Variants in SRBD1 observed in about 807,000 individuals in gnomAD.
The protein encoded by SRBD1 is S1 RNA-binding domain-containing protein 1.
In SRBD1, 88 loss-of-function variants were observed where a neutral mutation model predicts 115.3. That is an observed-to-expected ratio of 0.76 (90% CI 0.64 to 0.91). The LOEUF (loss-of-function observed/expected upper bound fraction) is 0.91, where lower values mean the gene tolerates loss of function less well. Among genes scored for constraint, SRBD1 ranks in the 40% least tolerant of loss-of-function variants. The pLI is 0.00. For missense variants in SRBD1, 1,385 were observed against 1,177.4 expected (o/e 1.18, Z -2.58); for synonymous variants, 509 against 407.7 (o/e 1.25, Z -2.99).
intron 16 of SRBD1, among the ~76,000 whole-genome samples, chr2:45,471,651 A>C (rs1465473947): frequency 1.3e-5 from 2 of 152,160 alleles, no homozygotes; most frequent in Non-Finnish European, 2.9e-5. Context: ...ACCTCACTGT[A>C]TCCTTCTGAC....
chr2:45,424,913 C>T (rs143322505), intron 16 of SRBD1, among the ~76,000 whole-genome samples: 253 of 152,218 alleles, frequency 1.7e-3, no homozygotes, highest in African/African-American at 5.9e-3. Flanking sequence ...TCTTTTGATT[C>T]AAGTATGACT....
In SRBD1 at chr2:45,579,920, G is replaced by A. The variant is rs138516107; in HGVS notation, c.1027C>T (p.Pro343Ser). 6.2e-7 allele frequency: 1 copy of A among 1,609,938 alleles called. No homozygotes were observed. Among genetic ancestry groups the A allele is most frequent in the African/African-American group, 1.3e-5 (1 of 74,748 alleles). Reference sequence around the variant, plus strand: ...TACGATAGCAGACTGAGCTCCCCTGGTTTCTCAAGCAGTGCCCTGGCTGCT... The same window carrying A: ...TACGATAGCAGACTGAGCTCCCCTGATTTCTCAAGCAGTGCCCTGGCTGCT... ...EGAARALLEKPGELSLLSYIR... is the reference protein window; with the variant it reads ...EGAARALLEKSGELSLLSYIR... The change falls in exon 7 of 21, where the codon CCA (proline) becomes TCA (serine). Residue 343 changes from proline to serine, a missense_variant. Transcript: ENST00000263736.
In SRBD1 at chr2:45,388,873, A is replaced by G. The variant is rs879305581; in HGVS notation, c.*437T>C. 6.5e-6 allele frequency: 1 copy of G among 154,368 alleles called. No individual in the cohort carries two copies. The highest frequency in any genetic ancestry group is 1.4e-5 in the Non-Finnish European group (1 of 69,546). The allele number at this position is 154,368 out of a possible 1,614,324, so 9.6% of individuals were successfully genotyped here. A position where few individuals can be genotyped will look rare whatever the true frequency, so the allele number is the denominator to read the frequency against. ...AAAAGGCCTGATTAAAAAAAAATCT[A>G]TAAAATGGAAGGATTAAACACTGCC... On this transcript the variant is annotated 3_prime_UTR_variant, in exon 21 of 21. Coordinates refer to ENST00000263736, the MANE Select transcript of SRBD1 (RefSeq NM_018079.5).
intron 4 of SRBD1, among the ~76,000 whole-genome samples, chr2:45,593,955 TAC>T (rs1451694714): frequency 2.0e-5 from 3 of 152,182 alleles, no homozygotes; most frequent in Non-Finnish European, 2.9e-5. Flanking sequence ...GTTGCATGGT[TAC>T]ACTTTTGAAC....
intron 15 of SRBD1, among the ~76,000 whole-genome samples, chr2:45,478,653 T>C (rs1290380250): frequency 6.6e-6 from 1 of 152,216 alleles, no homozygotes; most frequent in East Asian, 1.9e-4. Context: ...AGATTTAAAG[T>C]AGAGATATAC....
At chr2:45,539,340 T>C (rs1260159549) in intron 14 of SRBD1, among the ~76,000 whole-genome samples, 1 of 152,114 alleles carries the variant, frequency 6.6e-6, no homozygotes, top group Non-Finnish European at 1.5e-5. Context: ...TCAAGTTTCA[T>C]GGCCTCACAG....
In SRBD1 at chr2:45,599,445, A is replaced by T; in HGVS notation, c.648+4T>A. 6.2e-7 allele frequency: 1 copy of T among 1,610,480 alleles called. No individual in the cohort carries two copies. The highest frequency in any genetic ancestry group is 1.7e-5 in the Admixed American group (1 of 59,834). Reference sequence around the variant, plus strand: ...CTAAAGTGACAGAAAAAGGCTGCACATACCTGTACCATGTCCCAATTCATT... The same window carrying T: ...CTAAAGTGACAGAAAAAGGCTGCACTTACCTGTACCATGTCCCAATTCATT... On this transcript the variant is annotated splice_donor_region_variant and intron_variant, in intron 4 of 20. Transcript: ENST00000263736.
intron 16 of SRBD1, among the ~76,000 whole-genome samples, chr2:45,441,715 T>C (rs1023152886): frequency 2.0e-5 from 3 of 152,214 alleles, no homozygotes; most frequent in African/African-American, 7.2e-5. Context: ...AGAATTGCCC[T>C]AAAATAGGAG....
chr2:45,585,497 T>C lies in SRBD1; in HGVS notation c.815+111A>G, dbSNP rs1371131679. ...GAGGACTATATCCAGATTACAATAATTCAAGGAAACAAAATGTTGAAATTG... is the reference window on the plus strand; with the variant it reads ...GAGGACTATATCCAGATTACAATAACTCAAGGAAACAAAATGTTGAAATTG... On this transcript the variant is annotated intron_variant, in intron 5 of 20. Transcript: ENST00000263736. 24 of 1,208,740 alleles carry C rather than the reference T, an allele frequency of 2.0e-5. No individual in the cohort carries two copies. In the East Asian group the frequency reaches 5.1e-4, roughly 26 times the overall value. The allele number at this position is 1,208,740 out of a possible 1,614,324, so 74.9% of individuals were successfully genotyped here.
intron 15 of SRBD1, 46 bp from the exon 16 acceptor site, chr2:45,477,121 C>G (rs1339211018): frequency 1.3e-6 from 2 of 1,486,536 alleles, no homozygotes; most frequent in Non-Finnish European, 9.4e-7. Context: ...ATGTGAAAAG[C>G]AGTACCTAAT....
chr2:45,429,894 A>G (rs920841034), intron 16 of SRBD1, among the ~76,000 whole-genome samples: 2 of 152,228 alleles, frequency 1.3e-5, no homozygotes, highest in South Asian at 2.1e-4. Context: ...AGAACACCCC[A>G]TCGTCTCAGC....
chr2:45,488,338 A>G lies in SRBD1; in HGVS notation c.1875-7T>C, dbSNP rs762842472. 1.9e-6 allele frequency: 3 copies of G among 1,610,908 alleles called. No homozygotes were observed. The South Asian group carries it at 3.3e-5, about 18-fold the overall frequency. On this transcript the variant is annotated splice_polypyrimidine_tract_variant and splice_region_variant and intron_variant, in intron 14 of 20. Transcript: ENST00000263736. ...TCCTGCTTCACTGACGATACTGAGA[A>G]GACAGAAAAAGGGGAATATCACTTT...
At chr2:45,545,637 A>C (rs1359118901) in intron 14 of SRBD1, among the ~76,000 whole-genome samples, 1 of 152,222 alleles carries the variant, frequency 6.6e-6, no homozygotes, top group Non-Finnish European at 1.5e-5. Context: ...AGAATAGGGA[A>C]GATCCACCGT....
At chr2:45,484,071 T>A (rs1670044667) in intron 15 of SRBD1, among the ~76,000 whole-genome samples, 2 of 152,106 alleles carry the variant, frequency 1.3e-5, no homozygotes, top group African/African-American at 4.8e-5. Flanking sequence ...AATGTTAAAC[T>A]TTTTCTTCTG....
chr2:45,508,979 T>C (rs1240516229), intron 14 of SRBD1, among the ~76,000 whole-genome samples: 1 of 151,498 alleles, frequency 6.6e-6, no homozygotes, highest in African/African-American at 2.4e-5. Context: ...GCACGGTGAG[T>C]TGGGAGGTGG....
intron 14 of SRBD1, 70 bp downstream of exon 14, chr2:45,546,662 G>C: frequency 7.1e-7 from 1 of 1,408,910 alleles, no homozygotes. Flanking sequence ...GAGAAGGGAG[G>C]ATTCATCACA....
chr2:45,498,645 T>C (rs1670533468), intron 14 of SRBD1, among the ~76,000 whole-genome samples: 1 of 152,136 alleles, frequency 6.6e-6, no homozygotes, highest in African/African-American at 2.4e-5. Flanking sequence ...ATTCCTTCTA[T>C]ATAACTTCTT....
At chr2:45,608,592 C>G (rs1354275684) in intron 1 of SRBD1, among the ~76,000 whole-genome samples, 2 of 152,132 alleles carry the variant, frequency 1.3e-5, no homozygotes, top group Non-Finnish European at 2.9e-5. Flanking sequence ...ATGTCACCTA[C>G]TTATTAACAA....
At chr2:45,405,887 AAAG>A (rs1667422726) in intron 19 of SRBD1, among the ~76,000 whole-genome samples, 1 of 152,246 alleles carries the variant, frequency 6.6e-6, no homozygotes, top group East Asian at 1.9e-4. Context: ...TAAGCAATGA[AAAG>A]AAGGAGTGAT....
Sources: gnomAD v4.1 joint callset for allele counts (sites outside exome capture counted in the v4.1 genomes callset) on GRCh38, gnomAD v4.1.1 for gene constraint, MANE v1.5 for transcripts, NCBI Gene and HGNC (gene_info 2026-07-23, HGNC 2026-07-21) for gene names.